The following ERCC8 variants were observed in gnomAD, a reference collection of about 807,000 sequenced individuals.
ERCC8 encodes ERCC excision repair 8, CSA ubiquitin ligase complex subunit, also known as DNA excision repair protein ERCC-8.
Under a neutral mutation model 54.9 loss-of-function variants are expected in ERCC8, and 52 were observed. The ratio of observed to expected loss-of-function variants is 0.95; its 90% CI spans 0.76 to 1.19. The LOEUF (loss-of-function observed/expected upper bound fraction) is 1.19, where lower values mean the gene tolerates loss of function less well. Among genes scored for constraint, ERCC8 ranks in the 50% most tolerant of loss-of-function variants. The pLI, the probability that ERCC8 is intolerant of heterozygous loss-of-function variation, is 0.00. For missense variants in ERCC8, 514 were observed against 466.1 expected, an observed-to-expected ratio of 1.10 and a Z score of -0.95; for synonymous variants, 146 against 157.2, an observed-to-expected ratio of 0.93 and a Z score of 0.53.
At chr5:60,904,197 G>A (rs931731173) in intron 5 of ERCC8, among the ~76,000 whole-genome samples, 1 of 151,962 alleles carries the variant, frequency 6.6e-6, no homozygotes, top group African/African-American at 2.4e-5. Flanking sequence ...CAGATTCACA[G>A]AAACTGGACA....
chr5:60,923,473 C>G (rs1013091100), intron 2 of ERCC8, among the ~76,000 whole-genome samples: 2 of 151,734 alleles, frequency 1.3e-5, no homozygotes, highest in African/African-American at 4.8e-5. Context: ...TTGTTGACAC[C>G]TTTAACTGAC....
intron 11 of ERCC8, among the ~76,000 whole-genome samples, chr5:60,885,779 T>C (rs114005053): frequency 0.016 from 2,381 of 152,238 alleles, 25 homozygotes; most frequent in Non-Finnish European, 0.022. Context: ...ACCTTAGCAG[T>C]TGAAAATTTA....
At chr5:60,878,431 G>C (rs1748086752) in intron 11 of ERCC8, among the ~76,000 whole-genome samples, 1 of 152,146 alleles carries the variant, frequency 6.6e-6, no homozygotes, top group Non-Finnish European at 1.5e-5. Context: ...GATTGGAATA[G>C]TTTCAGAAGG....
intron 11 of ERCC8, among the ~76,000 whole-genome samples, chr5:60,876,763 G>A (rs191138266): frequency 1.3e-5 from 2 of 152,248 alleles, no homozygotes; most frequent in East Asian, 3.9e-4. Context: ...TGAGTCCATT[G>A]TAGGTTCTGG....
chr5:60,944,858 G>A, intron 1 of ERCC8, 74 bp downstream of exon 1: 2 of 1,094,404 alleles, frequency 1.8e-6, no homozygotes, highest in Non-Finnish European at 1.4e-6. Flanking sequence ...AGACGGGAAA[G>A]TGTGGGGCAA....
intron 1 of ERCC8, among the ~76,000 whole-genome samples, chr5:60,935,989 C>T (rs1027933252): frequency 3.9e-5 from 6 of 152,074 alleles, no homozygotes; most frequent in Non-Finnish European, 8.8e-5. Context: ...GGATGTTGGT[C>T]TGCGGTTGTC....
intron 11 of ERCC8, among the ~76,000 whole-genome samples, chr5:60,874,896 T>C (rs1341244955): frequency 1.3e-5 from 2 of 152,216 alleles, no homozygotes; most frequent in Non-Finnish European, 1.5e-5. Context: ...AACACCAGAC[T>C]TTATCCAAAC....
At chr5:60,943,220 G>C (rs910778069) in intron 1 of ERCC8, among the ~76,000 whole-genome samples, 1 of 152,048 alleles carries the variant, frequency 6.6e-6, no homozygotes, top group Non-Finnish European at 1.5e-5. Context: ...GCAGTGAGCT[G>C]TAACTGCACC....
At chr5:60,916,701 T>C (rs916521979) in intron 4 of ERCC8, among the ~76,000 whole-genome samples, 5 of 152,000 alleles carry the variant, frequency 3.3e-5, no homozygotes, top group African/African-American at 9.7e-5. Flanking sequence ...ATCTATTTAG[T>C]TTGAATTATT....
intron 11 of ERCC8, among the ~76,000 whole-genome samples, chr5:60,880,598 A>C (rs1445921362): frequency 6.6e-6 from 1 of 151,846 alleles, no homozygotes; most frequent in Non-Finnish European, 1.5e-5. Flanking sequence ...TTCTCTTCTC[A>C]CTTCATTTCA....
At chr5:60,933,444 C>G (rs1446911810) in intron 1 of ERCC8, among the ~76,000 whole-genome samples, 1 of 152,066 alleles carries the variant, frequency 6.6e-6, no homozygotes, top group Non-Finnish European at 1.5e-5. Flanking sequence ...GTCTCAAACT[C>G]CTGACTGCAG....
At chr5:60,928,325 C>T (rs1269293423) in intron 2 of ERCC8, among the ~76,000 whole-genome samples, 1 of 152,106 alleles carries the variant, frequency 6.6e-6, no homozygotes, top group Non-Finnish European at 1.5e-5. Flanking sequence ...CCAGGTCTTA[C>T]GTTAATCATG....
intron 4 of ERCC8, among the ~76,000 whole-genome samples, chr5:60,914,283 G>T (rs1749360275): frequency 6.6e-6 from 1 of 152,014 alleles, no homozygotes; most frequent in Admixed American, 6.5e-5. Flanking sequence ...CCTCTATTGG[G>T]TGCATATATA....
rs780533651 is a variant in ERCC8, at chr5:60,898,316, C to T, written c.803G>A (p.Arg268Gln). ...LHLLTVGTDN[R>Q]MRLWNSSNGE... ...ATTGGAACTATTCCAGAGCCTCATTCGATTATCTGTACCAACAGTGAGGAG... is the reference window on the plus strand; with the variant it reads ...ATTGGAACTATTCCAGAGCCTCATTTGATTATCTGTACCAACAGTGAGGAG... The change falls in exon 9 of 12, where the codon CGA becomes CAA. Residue 268 changes from arginine (R) to glutamine (Q), a missense_variant. Coordinates refer to ENST00000676185, the MANE Select transcript of ERCC8 (RefSeq NM_000082.4). 1.7e-5 allele frequency: 28 copies of T among 1,613,520 alleles called. No individual in the cohort carries two copies. The East Asian group carries it at 1.8e-4, about 10-fold the overall frequency.
intron 1 of ERCC8, among the ~76,000 whole-genome samples, chr5:60,938,192 G>A (rs539412453): frequency 6.9e-6 from 1 of 145,834 alleles, no homozygotes; most frequent in Admixed American, 6.8e-5. Context: ...TTTCCAACTT[G>A]TAACTTCAAT....
chr5:60,893,236 CT>C, intron 9 of ERCC8: 2 of 1,009,956 alleles, frequency 2.0e-6, no homozygotes, highest in Admixed American at 1.7e-5. Flanking sequence ...TGTAATAAGC[CT>C]TCATAGTGGC....
intron 2 of ERCC8, among the ~76,000 whole-genome samples, chr5:60,924,747 T>C (rs1284194791): frequency 6.6e-6 from 1 of 152,158 alleles, no homozygotes; most frequent in Non-Finnish European, 1.5e-5. Context: ...CATTTCTTTT[T>C]GGCTTTTAAA....
At chr5:60,906,193 G>C (rs577174256) in intron 4 of ERCC8, among the ~76,000 whole-genome samples, 1 of 152,056 alleles carries the variant, frequency 6.6e-6, no homozygotes, top group African/African-American at 2.4e-5. Flanking sequence ...CAGGTTATGA[G>C]ACTGGCTAAT....
intron 11 of ERCC8, among the ~76,000 whole-genome samples, chr5:60,878,524 T>G (rs1312079777): frequency 1.3e-5 from 2 of 152,230 alleles, no homozygotes; most frequent in Non-Finnish European, 2.9e-5. Context: ...GTTGGTAAGC[T>G]ATCAATGATT....
Sources: gnomAD v4.1 joint callset for allele counts (sites outside exome capture counted in the v4.1 genomes callset) on GRCh38, gnomAD v4.1.1 for gene constraint, MANE v1.5 for transcripts, NCBI Gene and HGNC (gene_info 2026-07-23, HGNC 2026-07-21) for gene names.